The following DSCAM variants were observed in gnomAD, a reference collection of about 807,000 sequenced individuals.
The protein encoded by DSCAM is cell adhesion molecule DSCAM.
Under a neutral mutation model 217.7 loss-of-function variants are expected in DSCAM, and 47 were observed. The ratio of observed to expected loss-of-function variants is 0.22; its 90% CI spans 0.17 to 0.28. The LOEUF (loss-of-function observed/expected upper bound fraction) is 0.28, where lower values mean the gene tolerates loss of function less well. Ranked by LOEUF, DSCAM falls within the 10% of genes least tolerant of loss-of-function variation. The pLI is 1.00. For missense variants in DSCAM, 2,080 were observed against 2,618.3 expected, an observed-to-expected ratio of 0.79 and a Z score of 4.49; for synonymous variants, 1,056 against 1,015.3, an observed-to-expected ratio of 1.04 and a Z score of -0.76.
intron 3 of DSCAM, among the ~76,000 whole-genome samples, chr21:40,530,896 T>C (rs547184676): frequency 1.2e-5 from 1 of 81,248 alleles, no homozygotes; most frequent in Non-Finnish European, 2.1e-5. Context: ...CATCCATCCA[T>C]CCATCCATCC....
At chr21:40,739,535 T>C (rs1463418903) in intron 1 of DSCAM, among the ~76,000 whole-genome samples, 1 of 152,184 alleles carries the variant, frequency 6.6e-6, no homozygotes, top group Non-Finnish European at 1.5e-5. Context: ...TCCCTCTGTG[T>C]GAGTCTTTGT....
At chr21:40,708,891 A>C in intron 1 of DSCAM, 120 bp from the exon 2 acceptor site, 1 of 680,320 alleles carries the variant, frequency 1.5e-6, no homozygotes, top group Non-Finnish European at 2.2e-6. Flanking sequence ...GGCTCAAATA[A>C]AACCAAATAA....
chr21:40,092,511 G>A (rs2089624377), intron 21 of DSCAM, among the ~76,000 whole-genome samples: 2 of 152,176 alleles, frequency 1.3e-5, no homozygotes, highest in Admixed American at 1.3e-4. Context: ...GCTTCTGTGA[G>A]AGTTTTCAAT....
intron 8 of DSCAM, among the ~76,000 whole-genome samples, chr21:40,313,413 A>G (rs992560936): frequency 3.3e-5 from 5 of 152,198 alleles, no homozygotes; most frequent in African/African-American, 1.2e-4. Context: ...CTCTTTCCTG[A>G]TTCAGCTTTG....
At chr21:40,771,867 T>G (rs544909781) in intron 1 of DSCAM, among the ~76,000 whole-genome samples, 1 of 152,304 alleles carries the variant, frequency 6.6e-6, no homozygotes, top group Admixed American at 6.5e-5. Context: ...CACGCACATT[T>G]TATTTTCAGG....
chr21:40,491,956 T>C (rs2076079420), intron 3 of DSCAM, among the ~76,000 whole-genome samples: 1 of 152,210 alleles, frequency 6.6e-6, no homozygotes, highest in African/African-American at 2.4e-5. Flanking sequence ...TCATACTATG[T>C]AATTTACATA....
intron 3 of DSCAM, among the ~76,000 whole-genome samples, chr21:40,417,490 C>G (rs1312721928): frequency 1.3e-5 from 2 of 152,072 alleles, no homozygotes; most frequent in Admixed American, 6.6e-5. Context: ...GAATCAATTT[C>G]AGAAACATGA....
chr21:40,351,761 G>T (rs997611201), intron 5 of DSCAM, among the ~76,000 whole-genome samples: 3 of 152,134 alleles, frequency 2.0e-5, no homozygotes, highest in Non-Finnish European at 2.9e-5. Flanking sequence ...TAAGAATAAA[G>T]GCTTTTAAAA....
intron 19 of DSCAM, among the ~76,000 whole-genome samples, chr21:40,133,590 T>C (rs550553006): frequency 4.5e-4 from 66 of 146,912 alleles, no homozygotes; most frequent in South Asian, 2.0e-3. Flanking sequence ...CTATTTACAA[T>C]AATACTTGGC....
At chr21:40,487,715 G>A (rs946285636) in intron 3 of DSCAM, among the ~76,000 whole-genome samples, 2 of 152,200 alleles carry the variant, frequency 1.3e-5, no homozygotes, top group African/African-American at 4.8e-5. Flanking sequence ...GAGAGGCAGT[G>A]AAGATGGGCA....
intron 3 of DSCAM, among the ~76,000 whole-genome samples, chr21:40,485,454 G>A (rs922722436): frequency 1.3e-5 from 2 of 151,670 alleles, no homozygotes; most frequent in Admixed American, 6.6e-5. Flanking sequence ...GTGTTAGCCA[G>A]GATGGTCTCC....
chr21:40,019,045 G>A (rs547128415), intron 32 of DSCAM, among the ~76,000 whole-genome samples: 1 of 152,224 alleles, frequency 6.6e-6, no homozygotes, highest in Non-Finnish European at 1.5e-5. Flanking sequence ...ACAGAGAAGA[G>A]AGCACCAGAG....
intron 3 of DSCAM, among the ~76,000 whole-genome samples, chr21:40,677,584 C>T (rs2090354914): frequency 6.6e-6 from 1 of 152,108 alleles, no homozygotes; most frequent in African/African-American, 2.4e-5. Context: ...AGGATATTTC[C>T]ATCTATTAAA....
At chr21:40,511,368 T>A (rs1310173833) in intron 3 of DSCAM, among the ~76,000 whole-genome samples, 1 of 152,180 alleles carries the variant, frequency 6.6e-6, no homozygotes, top group Non-Finnish European at 1.5e-5. Context: ...TTAATGTAAG[T>A]TATTACATTA....
intron 3 of DSCAM, among the ~76,000 whole-genome samples, chr21:40,564,392 G>C (rs945081598): frequency 6.6e-6 from 1 of 152,150 alleles, no homozygotes; most frequent in African/African-American, 2.4e-5. Flanking sequence ...AGTAAATTTG[G>C]AGAAATTGTT....
At chr21:40,574,699 G>A (rs907844482) in intron 3 of DSCAM, among the ~76,000 whole-genome samples, 14 of 140,154 alleles carry the variant, frequency 1.0e-4, no homozygotes, top group African/African-American at 3.2e-4. Context: ...ATCACATAAG[G>A]TGCCTGATTT....
At chr21:40,719,688 C>T (rs981149815) in intron 1 of DSCAM, among the ~76,000 whole-genome samples, 12 of 152,136 alleles carry the variant, frequency 7.9e-5, no homozygotes, top group African/African-American at 2.7e-4. Flanking sequence ...AGCAAAAAGA[C>T]ACCAAAGGGA....
intron 1 of DSCAM, among the ~76,000 whole-genome samples, chr21:40,833,907 G>A (rs1569059994): frequency 2.0e-5 from 3 of 152,024 alleles, no homozygotes; most frequent in Non-Finnish European, 4.4e-5. Flanking sequence ...ATTACAGGGT[G>A]TTGAGCATCT....
chr21:40,441,343 C>T (rs73217031), intron 3 of DSCAM, among the ~76,000 whole-genome samples: 7,839 of 152,160 alleles, frequency 0.052, 279 homozygotes, highest in Non-Finnish European at 0.079. Flanking sequence ...CCCTGGAGGC[C>T]GAATAAGCAT....
Sources: allele counts gnomAD v4.1 joint callset (sites outside exome capture counted in the v4.1 genomes callset), GRCh38; gene constraint gnomAD v4.1.1; transcripts MANE v1.5; gene names NCBI Gene and HGNC (gene_info 2026-07-23, HGNC 2026-07-21).